Variants in AGPS observed in about 807,000 individuals in gnomAD.
AGPS encodes the protein alkyldihydroxyacetonephosphate synthase, peroxisomal.
A neutral mutation model predicts 90.7 loss-of-function variants in AGPS; 26 were observed. The ratio of observed to expected loss-of-function variants is 0.29; its 90% CI spans 0.21 to 0.40. The LOEUF is 0.40. Among genes scored for constraint, AGPS ranks in the 10% least tolerant of loss-of-function variants. The pLI is 1.00. For missense variants in AGPS, 540 were observed against 816.1 expected, an observed-to-expected ratio of 0.66 and a Z score of 4.12; for synonymous variants, 294 against 285.3, an observed-to-expected ratio of 1.03 and a Z score of -0.31.
chr2:177,459,547 GC>G (rs1448513775), intron 8 of AGPS, among the ~76,000 whole-genome samples: 1 of 152,200 alleles, frequency 6.6e-6, no homozygotes, highest in East Asian at 1.9e-4. Context: ...CATTTATGCA[GC>G]CAACAGACAT....
chr2:177,468,690 T>C (rs1687527121), intron 10 of AGPS, among the ~76,000 whole-genome samples, 166 bp downstream of exon 10: 2 of 152,088 alleles, frequency 1.3e-5, no homozygotes, highest in Admixed American at 1.3e-4. Context: ...TATGAGAACA[T>C]CTGATTAAAC....
intron 8 of AGPS, among the ~76,000 whole-genome samples, chr2:177,445,879 G>A (rs1369528787): frequency 2.0e-5 from 3 of 152,188 alleles, no homozygotes; most frequent in Non-Finnish European, 4.4e-5. Flanking sequence ...CAGAAAGTTC[G>A]ATAAATAATT....
chr2:177,439,738 A>G (rs1686541342), intron 5 of AGPS, among the ~76,000 whole-genome samples: 2 of 152,100 alleles, frequency 1.3e-5, no homozygotes, highest in Admixed American at 1.3e-4. Context: ...TTAGCAACTA[A>G]TACTGGAGTT....
intron 1 of AGPS, among the ~76,000 whole-genome samples, chr2:177,415,936 A>G (rs1389952014): frequency 6.6e-6 from 1 of 152,154 alleles, no homozygotes; most frequent in Non-Finnish European, 1.5e-5. Context: ...ATCTTTTATT[A>G]GAATTTTGAT....
At chr2:177,500,961 C>T (rs1488081364) in intron 14 of AGPS, among the ~76,000 whole-genome samples, 6 of 151,858 alleles carry the variant, frequency 4.0e-5, no homozygotes, top group South Asian at 2.1e-4. Flanking sequence ...TGTATGTACC[C>T]GTTTTTTAGT....
intron 17 of AGPS, among the ~76,000 whole-genome samples, chr2:177,516,256 A>G (rs1689019939): frequency 6.6e-6 from 1 of 152,162 alleles, no homozygotes; most frequent in Admixed American, 6.5e-5. Flanking sequence ...ATTTTTGTCC[A>G]TTAAAATGTA....
chr2:177,462,408 A>AG (rs1183402548), intron 9 of AGPS, among the ~76,000 whole-genome samples: 8 of 150,566 alleles, frequency 5.3e-5, no homozygotes, highest in South Asian at 2.1e-4. Flanking sequence ...AAAAAAAAGA[A>AG]AAAAGAAAAA....
At chr2:177,524,447 T>C (rs553590765) in intron 19 of AGPS, among the ~76,000 whole-genome samples, 7 of 152,338 alleles carry the variant, frequency 4.6e-5, no homozygotes, top group Non-Finnish European at 5.9e-5. Context: ...CATTCTGTTA[T>C]TAAAATGGCA....
In AGPS at chr2:177,513,535, G is replaced by A. The variant is rs147800836; in HGVS notation, c.1608-284G>A. ...ATAATCAAATTGATTTTGAAATCAG[G>A]CTTTCCTAAGTGTAGGAAACCACAT... On this transcript the variant is annotated intron_variant, in intron 16 of 19. Transcript: ENST00000264167. Among the ~76,000 whole-genome samples, 612 of 151,948 alleles carry A rather than the reference G, an allele frequency of 4.0e-3. 5 individuals carry two copies. Among genetic ancestry groups the A allele is most frequent in the East Asian group, 0.033 (168 of 5,168 alleles).
intron 15 of AGPS, among the ~76,000 whole-genome samples, chr2:177,507,692 A>G (rs1688753697): frequency 6.6e-6 from 1 of 152,228 alleles, no homozygotes; most frequent in South Asian, 2.1e-4. Flanking sequence ...TAGAAACTCC[A>G]TTCACTAAAG....
chr2:177,513,753 C>T (rs1383804297), intron 16 of AGPS, 66 bp from the exon 17 acceptor site: 6 of 1,193,192 alleles, frequency 5.0e-6, no homozygotes, highest in South Asian at 3.7e-5. Context: ...GATTAACCAA[C>T]GTTTATTAGC....
intron 1 of AGPS, chr2:177,393,547 C>G (rs1685085635): frequency 1.3e-5 from 13 of 985,316 alleles, no homozygotes; most frequent in Non-Finnish European, 1.4e-5. Flanking sequence ...GTAAGTTCCA[C>G]TTGCTTAGGA....
intron 2 of AGPS, 41 bp downstream of exon 2, chr2:177,420,399 C>G: frequency 1.4e-6 from 2 of 1,427,870 alleles, no homozygotes; most frequent in Non-Finnish European, 2.0e-6. Context: ...TCCTTTAATT[C>G]TTTCTTTCTA....
intron 19 of AGPS, among the ~76,000 whole-genome samples, chr2:177,530,993 G>A (rs2079132010): frequency 6.6e-6 from 1 of 152,042 alleles, no homozygotes; most frequent in East Asian, 1.9e-4. Context: ...AGTATAACCA[G>A]CCTTAGTTTA....
intron 15 of AGPS, 91 bp from the exon 16 acceptor site, chr2:177,507,879 G>A (rs1295251825): frequency 6.5e-6 from 6 of 929,206 alleles, no homozygotes; most frequent in Non-Finnish European, 1.1e-5. Flanking sequence ...AGAAACATGT[G>A]ATACTAACAA....
chr2:177,492,653 A>G (rs1688299380), intron 11 of AGPS, among the ~76,000 whole-genome samples: 1 of 152,192 alleles, frequency 6.6e-6, no homozygotes. Flanking sequence ...GTTTTAAGTG[A>G]TTTTTGGAGG....
At chr2:177,457,873 A>G (rs1165397305) in intron 8 of AGPS, among the ~76,000 whole-genome samples, 1 of 152,196 alleles carries the variant, frequency 6.6e-6, no homozygotes, top group East Asian at 1.9e-4. Context: ...CCTGGCAGAG[A>G]CACAACAAAA....
chr2:177,529,312 GA>G (rs946214647), intron 19 of AGPS, among the ~76,000 whole-genome samples: 27 of 151,600 alleles, frequency 1.8e-4, no homozygotes, highest in African/African-American at 4.8e-5. Context: ...CAAAAACTAA[GA>G]AAAAAAACTA....
chr2:177,406,074 C>T (rs569223540), intron 1 of AGPS, among the ~76,000 whole-genome samples: 2 of 152,258 alleles, frequency 1.3e-5, no homozygotes, highest in South Asian at 2.1e-4. Context: ...CATCCCCCAT[C>T]CCTTATTTGG....
Sources: allele counts gnomAD v4.1 joint callset (sites outside exome capture counted in the v4.1 genomes callset), GRCh38; gene constraint gnomAD v4.1.1; transcripts MANE v1.5; gene names NCBI Gene and HGNC (gene_info 2026-07-23, HGNC 2026-07-21).